INO80D: variants seen among roughly 807,000 people sequenced by gnomAD.
The protein encoded by INO80D is INO80 complex subunit D.
INO80D carries 21 observed loss-of-function variants against 87.6 expected under a neutral mutation model. The ratio of observed to expected loss-of-function variants is 0.24; its 90% CI spans 0.17 to 0.35. INO80D has a LOEUF of 0.35. Ranked by LOEUF, INO80D falls within the 10% of genes least tolerant of loss-of-function variation. The pLI is 1.00. For missense variants in INO80D, 982 were observed against 1,280.7 expected, an observed-to-expected ratio of 0.77 and a Z score of 3.56; for synonymous variants, 440 against 491.0, an observed-to-expected ratio of 0.90 and a Z score of 1.37.
chr2:206,071,196 T>C, intron 1 of INO80D, among the ~76,000 whole-genome samples: 1 of 146,364 alleles, frequency 6.8e-6, no homozygotes, highest in Non-Finnish European at 1.5e-5. Flanking sequence ...TGACCTCAGG[T>C]GATCCGCCTG....
intron 7 of INO80D, among the ~76,000 whole-genome samples, 177 bp downstream of exon 7, chr2:206,019,559 T>G (rs1023591419): frequency 6.6e-6 from 1 of 152,224 alleles, no homozygotes; most frequent in Non-Finnish European, 1.5e-5. Context: ...TTGTGATTTT[T>G]GAGTAAAACA....
chr2:206,046,013 A>G (rs1014614633), intron 5 of INO80D, among the ~76,000 whole-genome samples: 7 of 152,206 alleles, frequency 4.6e-5, no homozygotes, highest in African/African-American at 1.4e-4. Flanking sequence ...ATGAATGGGA[A>G]AGGTACAGAA....
Position 206,007,230 on chromosome 2 carries a change from T to G in INO80D, c.1918+54A>C. The G allele has an allele frequency of 2.0e-6, 3 of 1,494,084 alleles. No individual in the cohort carries two copies. In the South Asian group the frequency reaches 3.5e-5, roughly 18 times the overall value. 92.6% of individuals were successfully genotyped at this position (1,494,084 alleles called of 1,614,324 possible). A position where few individuals can be genotyped will look rare whatever the true frequency, so the allele number is the denominator to read the frequency against. On this transcript the variant is annotated intron_variant, in intron 10 of 10. Transcript: ENST00000403263. ...ACACATCTCAAAACACTATTTCTTTTCTTATAAACTCATTTTTAAAACCAG... is the reference window on the plus strand; with the variant it reads ...ACACATCTCAAAACACTATTTCTTTGCTTATAAACTCATTTTTAAAACCAG...
intron 1 of INO80D, among the ~76,000 whole-genome samples, chr2:206,074,269 T>C (rs1299284950): frequency 6.6e-6 from 1 of 152,220 alleles, no homozygotes; most frequent in East Asian, 1.9e-4. Context: ...AAGTCTCACT[T>C]GCTGTAGAAA....
intron 3 of INO80D, among the ~76,000 whole-genome samples, chr2:206,061,844 G>A (rs2105889615): frequency 6.6e-6 from 1 of 152,316 alleles, no homozygotes; most frequent in South Asian, 2.1e-4. Context: ...GATGAAGGTT[G>A]TGTGTGTGTT....
intron 5 of INO80D, among the ~76,000 whole-genome samples, chr2:206,028,721 T>C (rs1469837691): frequency 6.6e-6 from 1 of 152,182 alleles, no homozygotes; most frequent in Non-Finnish European, 1.5e-5. Context: ...CATAATTTCA[T>C]AAAAGATAGG....
rs1223687575 is a variant in INO80D at position 205,999,194 on chromosome 2, A to AAAAC, written c.*5170_*5173dup. On this transcript the variant is annotated 3_prime_UTR_variant, in exon 11 of 11. Coordinates refer to ENST00000403263, the MANE Select transcript of INO80D (RefSeq NM_017759.5). ...CCCCAGCTTAAAAAACAAACAAACA[A>AAAAC]AAACAAACAAACGAAGAAAAAAGAA... 6.6e-6 allele frequency: 1 copy of AAAAC among 152,380 alleles called. No individual in the cohort carries two copies. The highest frequency in any genetic ancestry group is 1.5e-5 in the Non-Finnish European group (1 of 68,196). 9.4% of individuals were successfully genotyped at this position (152,380 alleles called of 1,614,324 possible).
intron 1 of INO80D, among the ~76,000 whole-genome samples, chr2:206,065,537 G>A (rs1039991658): frequency 7.9e-5 from 12 of 151,920 alleles, no homozygotes; most frequent in African/African-American, 2.7e-4. Flanking sequence ...ATAAACAAAT[G>A]GGATTATATT....
chr2:206,023,511 G>A (rs902067594), intron 6 of INO80D, among the ~76,000 whole-genome samples: 3 of 151,472 alleles, frequency 2.0e-5, no homozygotes, highest in African/African-American at 7.3e-5. Flanking sequence ...GTGAAACCCC[G>A]TCTCCACTAA....
chr2:206,001,105 C>G lies in INO80D; in HGVS notation c.*3263G>C, dbSNP rs549688419. ...TACTTACTATTGAGTTGTTTACTAG[C>G]TACATAACCTACCCAGATGTGCAAA... On this transcript the variant is annotated 3_prime_UTR_variant, in exon 11 of 11. Coordinates refer to ENST00000403263, the MANE Select transcript of INO80D (RefSeq NM_017759.5). 5 of 152,276 alleles carry G rather than the reference C, an allele frequency of 3.3e-5. No individual in the cohort carries two copies. Among genetic ancestry groups the G allele is most frequent in the Admixed American group, 2.0e-4 (3 of 15,298 alleles). The allele number at this position is 152,276 out of a possible 1,614,324, so 9.4% of individuals were successfully genotyped here.
chr2:206,039,928 G>C (rs1408524868), intron 5 of INO80D, among the ~76,000 whole-genome samples: 4 of 151,734 alleles, frequency 2.6e-5, no homozygotes, highest in Non-Finnish European at 5.9e-5. Context: ...AGAGGCACAA[G>C]CTTCTGAATC....
intron 5 of INO80D, among the ~76,000 whole-genome samples, chr2:206,042,880 G>C (rs922762456): frequency 3.9e-5 from 6 of 152,170 alleles, no homozygotes; most frequent in Non-Finnish European, 5.9e-5. Flanking sequence ...GCTGAGGCAG[G>C]AGGATCACTT....
chr2:206,024,390 C>T (rs571606571), intron 6 of INO80D, among the ~76,000 whole-genome samples: 1 of 152,128 alleles, frequency 6.6e-6, no homozygotes, highest in South Asian at 2.1e-4. Flanking sequence ...GAATGTATCT[C>T]TAAGAACATA....
rs540602112 is a variant in INO80D, at chr2:205,995,660, A to G, written c.*8708T>C. The G allele has an allele frequency of 6.6e-6, 1 of 152,298 alleles. No homozygotes were observed. Among genetic ancestry groups the G allele is most frequent in the African/African-American group, 2.4e-5 (1 of 41,576 alleles). The allele number at this position is 152,298 out of a possible 1,614,324, so 9.4% of individuals were successfully genotyped here. ...ATACTGTGTGAGTACATACGAAAGC[A>G]TATGTACACATGCTCTGACATGTAT... On this transcript the variant is annotated 3_prime_UTR_variant, in exon 11 of 11. Transcript: ENST00000403263.
At chr2:206,012,145 G>T (rs960590861) in intron 8 of INO80D, among the ~76,000 whole-genome samples, 2 of 152,128 alleles carry the variant, frequency 1.3e-5, no homozygotes, top group Non-Finnish European at 2.9e-5. Context: ...TAGTCTAAAG[G>T]GCCTGCTCTA....
chr2:206,054,206 G>C (rs1689453629), intron 4 of INO80D, among the ~76,000 whole-genome samples: 1 of 145,804 alleles, frequency 6.9e-6, no homozygotes, highest in Non-Finnish European at 1.5e-5. Context: ...TTATACAATA[G>C]AGACAAGGTC....
chr2:206,016,736 T>G (rs138074776), intron 8 of INO80D, among the ~76,000 whole-genome samples: 69 of 152,292 alleles, frequency 4.5e-4, no homozygotes, highest in African/African-American at 1.6e-3. Context: ...AGGTCTTTCC[T>G]GTTGTCTTTC....
intron 1 of INO80D, among the ~76,000 whole-genome samples, chr2:206,076,051 CAAA>C (rs11288087): frequency 7.5e-5 from 8 of 106,174 alleles, no homozygotes; most frequent in Admixed American, 2.8e-4. Context: ...GACTCCCTCT[CAAA>C]AAAAAAAAAA....
intron 6 of INO80D, among the ~76,000 whole-genome samples, chr2:206,025,418 C>A (rs948303362): frequency 2.0e-5 from 3 of 150,456 alleles, no homozygotes; most frequent in African/African-American, 7.3e-5. Context: ...GTCCAAGCTA[C>A]TCAGGAGGCT....
Sources: allele counts gnomAD v4.1 joint callset (sites outside exome capture counted in the v4.1 genomes callset), GRCh38; gene constraint gnomAD v4.1.1; transcripts MANE v1.5; gene names NCBI Gene and HGNC (gene_info 2026-07-23, HGNC 2026-07-21).